Variants in CAST observed in about 807,000 individuals in gnomAD.
CAST encodes the protein MIR583 host.
Under a neutral mutation model 119.6 loss-of-function variants are expected in CAST, and 76 were observed. The observed-to-expected ratio is 0.64, with a 90% CI of 0.53 to 0.77. CAST has a LOEUF of 0.77. Among genes scored for constraint, CAST ranks in the 30% least tolerant of loss-of-function variants. CAST has a pLI of 0.00. For missense variants in CAST, 953 were observed against 946.5 expected (o/e 1.01, Z -0.09); for synonymous variants, 319 against 331.6 (o/e 0.96, Z 0.41).
chr5:96,560,356 G>C (rs946134733), intron 1 of CAST, among the ~76,000 whole-genome samples: 1 of 150,850 alleles, frequency 6.6e-6, no homozygotes, highest in African/African-American at 2.4e-5. Context: ...ATTGACAAAT[G>C]GGATCTAATT....
the CAST span, among the ~76,000 whole-genome samples, chr5:95,962,984 G>A: frequency 6.6e-6 from 1 of 152,110 alleles, no homozygotes; most frequent in Non-Finnish European, 1.5e-5. Context: ...CTAAAAGAGG[G>A]AGCCTAATCT....
the CAST span, among the ~76,000 whole-genome samples, chr5:96,065,385 T>C: frequency 6.7e-6 from 1 of 149,430 alleles, no homozygotes; most frequent in Non-Finnish European, 1.5e-5. Context: ...CTTTATATCC[T>C]ATGGTGGTTA....
chr5:96,162,915 C>T, the CAST span, among the ~76,000 whole-genome samples: 1 of 152,114 alleles, frequency 6.6e-6, no homozygotes, highest in Non-Finnish European at 1.5e-5. Context: ...ATATTGGTCT[C>T]TTGTAATGAG....
At chr5:96,517,597 G>A in the CAST span, among the ~76,000 whole-genome samples, 9 of 152,220 alleles carry the variant, frequency 5.9e-5, no homozygotes, top group Non-Finnish European at 8.8e-5. Flanking sequence ...GAGACGAGTT[G>A]TGTCAGAAGG....
the CAST span, among the ~76,000 whole-genome samples, chr5:96,204,912 C>T: frequency 1.6e-4 from 25 of 152,174 alleles, no homozygotes; most frequent in African/African-American, 6.0e-4. Context: ...TTATTTAGTC[C>T]TCAATAGCAT....
the CAST span, among the ~76,000 whole-genome samples, chr5:96,161,231 T>G: frequency 2.0e-5 from 3 of 152,274 alleles, 1 homozygote; most frequent in South Asian, 6.2e-4. Context: ...CTAAAGAGTT[T>G]TATAGTTTTA....
chr5:96,203,553 T>C, the CAST span, among the ~76,000 whole-genome samples: 1 of 152,086 alleles, frequency 6.6e-6, no homozygotes, highest in African/African-American at 2.4e-5. Context: ...TAAATGAAAT[T>C]TGATATACCT....
chr5:96,015,413 TTGC>T, the CAST span, among the ~76,000 whole-genome samples: 2 of 152,188 alleles, frequency 1.3e-5, no homozygotes, highest in African/African-American at 4.8e-5. Context: ...GTGATTATAA[TTGC>T]TGTTTGAATT....
At chr5:96,042,694 A>G in the CAST span, among the ~76,000 whole-genome samples, 5 of 152,200 alleles carry the variant, frequency 3.3e-5, no homozygotes, top group East Asian at 7.7e-4. Flanking sequence ...TAAGAGTATG[A>G]GTTCTGTAAT....
At chr5:96,695,488 T>C (rs1393051645) in intron 2 of CAST, among the ~76,000 whole-genome samples, 1 of 152,222 alleles carries the variant, frequency 6.6e-6, no homozygotes, top group African/African-American at 2.4e-5. Flanking sequence ...GATACATATT[T>C]CTAAATCACC....
chr5:96,232,740 C>A, the CAST span, among the ~76,000 whole-genome samples: 1 of 151,974 alleles, frequency 6.6e-6, no homozygotes, highest in Admixed American at 6.6e-5. Context: ...TTTCTTCATG[C>A]ATGAAATTAC....
upstream of CAST, among the ~76,000 whole-genome samples, chr5:96,520,900 TA>T (rs1423481879): frequency 6.6e-6 from 1 of 152,214 alleles, no homozygotes; most frequent in East Asian, 1.9e-4. Flanking sequence ...ATTTAATAGC[TA>T]CCTCTATAAT....
At chr5:96,626,334 G>A (rs1221782409) in intron 1 of CAST, among the ~76,000 whole-genome samples, 1 of 152,138 alleles carries the variant, frequency 6.6e-6, no homozygotes, top group Non-Finnish European at 1.5e-5. Context: ...TTAAAACAAA[G>A]CATTAAATTA....
At chr5:96,637,429 A>G (rs1484618857) in intron 1 of CAST, among the ~76,000 whole-genome samples, 1 of 152,104 alleles carries the variant, frequency 6.6e-6, no homozygotes, top group Non-Finnish European at 1.5e-5. Flanking sequence ...CCAGTGTTCC[A>G]TTTTCAGTAA....
At chr5:96,084,448 T>A in the CAST span, among the ~76,000 whole-genome samples, 1 of 152,236 alleles carries the variant, frequency 6.6e-6, no homozygotes, top group Non-Finnish European at 1.5e-5. Flanking sequence ...GCCTGGGGAA[T>A]AGATTGGAGA....
intron 1 of CAST, among the ~76,000 whole-genome samples, chr5:96,665,872 G>T (rs766101611): frequency 6.6e-6 from 1 of 152,004 alleles, no homozygotes. Context: ...ATTTATGTGT[G>T]TATGTATCTA....
upstream of CAST, among the ~76,000 whole-genome samples, chr5:96,522,238 C>T (rs1459606039): frequency 6.6e-6 from 1 of 152,166 alleles, no homozygotes; most frequent in Non-Finnish European, 1.5e-5. Context: ...TATTGTCAAG[C>T]GCCTCTTCTA....
In CAST at chr5:96,559,960, A is replaced by C. The variant is rs180824805; in HGVS notation, c.60+30080A>C. ...CACTACCTGCCTTCAAACTATACTT[A>C]CAAGGCTACAGTAACCAAAACAGCA... is the stretch of plus-strand genomic sequence containing the variant. On this transcript the variant is annotated intron_variant, in intron 1 of 11. Coordinates refer to the CAST transcript ENST00000505143. Among the ~76,000 whole-genome samples the C allele has an allele frequency of 4.2e-3, 645 of 152,356 alleles. 9 individuals are homozygous for C. Among genetic ancestry groups the C allele is most frequent in the African/African-American group, 0.015 (613 of 41,578 alleles).
the CAST span, among the ~76,000 whole-genome samples, chr5:96,470,893 C>G: frequency 6.6e-6 from 1 of 152,054 alleles, no homozygotes; most frequent in Non-Finnish European, 1.5e-5. Flanking sequence ...AGCTATAAAT[C>G]TAATATACGC....
Sources: gnomAD v4.1 joint callset for allele counts (sites outside exome capture counted in the v4.1 genomes callset) on GRCh38, gnomAD v4.1.1 for gene constraint, MANE v1.5 for transcripts, NCBI Gene and HGNC (gene_info 2026-07-23, HGNC 2026-07-21) for gene names.